Variants in USP4 observed in about 807,000 individuals in gnomAD.
USP4 encodes the protein ubiquitin carboxyl-terminal hydrolase 4.
A neutral mutation model predicts 118.2 loss-of-function variants in USP4; 72 were observed. The ratio of observed to expected loss-of-function variants is 0.61; its 90% CI spans 0.50 to 0.74. The LOEUF is 0.74. Among genes scored for constraint, USP4 ranks in the 30% least tolerant of loss-of-function variants. The pLI is 0.00. For missense variants in USP4, 1,037 were observed against 1,185.7 expected, an observed-to-expected ratio of 0.87 and a Z score of 1.84; for synonymous variants, 415 against 440.4, an observed-to-expected ratio of 0.94 and a Z score of 0.72.
Position 49,303,705 on chromosome 3 carries a change from C to T in USP4, c.1129-1163G>A, listed in dbSNP as rs575498055. Among the ~76,000 whole-genome samples the T allele has an allele frequency of 5.3e-5, 8 of 152,194 alleles. No individual in the cohort carries two copies. The East Asian group carries it at 1.2e-3, about 22-fold the overall frequency. On this transcript the variant is annotated intron_variant, in intron 9 of 21. Transcript: ENST00000265560. Reference sequence around the variant, plus strand: ...CCTAATACCCCTAAACACTACCTTCCAGTTGTTTATTTACATTAGCTTCAG... The same window carrying T: ...CCTAATACCCCTAAACACTACCTTCTAGTTGTTTATTTACATTAGCTTCAG...
chr3:49,297,742 C>T (rs2047224512), intron 13 of USP4, 128 bp downstream of exon 13: 1 of 728,602 alleles, frequency 1.4e-6, no homozygotes, highest in Non-Finnish European at 2.4e-6. Flanking sequence ...ATCTCTTGCA[C>T]CCAGGGGTCA....
chr3:49,290,469 G>A (rs1232667962), intron 15 of USP4, among the ~76,000 whole-genome samples: 4 of 152,176 alleles, frequency 2.6e-5, no homozygotes, highest in African/African-American at 9.6e-5. Context: ...ATGTCTTGGA[G>A]GAATCTGGAC....
chr3:49,289,439 A>C (rs2047130118), intron 15 of USP4, among the ~76,000 whole-genome samples: 1 of 152,240 alleles, frequency 6.6e-6, no homozygotes, highest in African/African-American at 2.4e-5. Flanking sequence ...CTTAGCTTCC[A>C]GAGTACCACA....
chr3:49,326,631 G>A (rs535848173), intron 3 of USP4, among the ~76,000 whole-genome samples: 2 of 151,660 alleles, frequency 1.3e-5, no homozygotes, highest in East Asian at 1.9e-4. Flanking sequence ...TCTTAACCTC[G>A]TGATCCGCCT....
chr3:49,325,648 C>T, intron 4 of USP4, 71 bp downstream of exon 4: 1 of 1,582,664 alleles, frequency 6.3e-7, no homozygotes, highest in Non-Finnish European at 8.6e-7. Flanking sequence ...ATAATGCCCT[C>T]TTCCCTCCCA....
intron 15 of USP4, among the ~76,000 whole-genome samples, chr3:49,289,068 G>C (rs1389563343): frequency 6.6e-6 from 1 of 152,158 alleles, no homozygotes; most frequent in Non-Finnish European, 1.5e-5. Flanking sequence ...CTGAGATTGT[G>C]CCACTGCACT....
intron 11 of USP4, 30 bp from the exon 12 acceptor site, chr3:49,298,665 G>A: frequency 6.2e-7 from 1 of 1,607,410 alleles, no homozygotes. Context: ...AAGGTCACAG[G>A]GGTGCCCCAC....
chr3:49,307,031 G>A (rs1166545257), intron 8 of USP4, among the ~76,000 whole-genome samples: 3 of 151,612 alleles, frequency 2.0e-5, no homozygotes, highest in Non-Finnish European at 2.9e-5. Flanking sequence ...TGATCCGCCT[G>A]CCTCAGCCTC....
At chr3:49,281,491 T>TACACAC (rs71077782) in intron 19 of USP4, among the ~76,000 whole-genome samples, 6,321 of 126,392 alleles carry the variant, frequency 0.05, 167 homozygotes, top group Middle Eastern at 0.059. Context: ...TATATATATA[T>TACACAC]ACACACACAC....
chr3:49,328,743 C>T (rs2107801555), intron 2 of USP4, among the ~76,000 whole-genome samples: 1 of 151,954 alleles, frequency 6.6e-6, no homozygotes, highest in South Asian at 2.1e-4. Flanking sequence ...GCCTGTAGTC[C>T]CAGCTACTCG....
At chr3:49,281,808 T>C (rs1436071088) in intron 19 of USP4, among the ~76,000 whole-genome samples, 1 of 151,044 alleles carries the variant, frequency 6.6e-6, no homozygotes, top group Non-Finnish European at 1.5e-5. Context: ...GTCAGGAGTT[T>C]GAGACCATCC....
chr3:49,324,961 C>T lies in USP4; in HGVS notation c.566G>A (p.Ser189Asn). ...RETRLWNKYM[S>N]NTYEQLSKLD... Reference sequence around the variant, plus strand: ...CTTGCTCAACTGCTCGTAGGTGTTGCTCATGTATTTGTTCCAGAGCCGTGT... The same window carrying T: ...CTTGCTCAACTGCTCGTAGGTGTTGTTCATGTATTTGTTCCAGAGCCGTGT... The change falls in exon 5 of 22, where the codon AGC becomes AAC. Residue 189 changes from serine (S) to asparagine (N), a missense_variant. Physicochemically the swap from Ser to Asn is conservative, Grantham distance 46. This residue lies in a region of USP4 where 487 missense variants were observed against 534.1 expected (regional missense o/e 0.91). Transcript: ENST00000265560. 6.2e-7 allele frequency: 1 copy of T among 1,614,116 alleles called. No homozygotes were observed. Among genetic ancestry groups the T allele is most frequent in the South Asian group, 1.1e-5 (1 of 91,080 alleles).
At chr3:49,331,088 G>A (rs4955431) in intron 2 of USP4, among the ~76,000 whole-genome samples, 85,845 of 151,428 alleles carry the variant, frequency 0.57, 25,393 homozygotes, top group East Asian at 0.95. Flanking sequence ...TGGGGAGGCC[G>A]TGGTGGGCAG....
chr3:49,332,859 C>A lies in USP4; in HGVS notation c.229+2610G>T, dbSNP rs186547822. Among the ~76,000 whole-genome samples the A allele has an allele frequency of 2.6e-3, 399 of 151,932 alleles. 1 individual carries two copies. Among genetic ancestry groups the A allele is most frequent in the Non-Finnish European group, 4.7e-3 (319 of 67,972 alleles). ...AACCTGAACAACATGACAAAACCCA[C>A]AAAAAATCTCTGCAAAAAATACAAT... On this transcript the variant is annotated intron_variant, in intron 2 of 21. Transcript: ENST00000265560.
chr3:49,308,755 C>T (rs1054070372), intron 8 of USP4, among the ~76,000 whole-genome samples: 1 of 150,688 alleles, frequency 6.6e-6, no homozygotes, highest in Non-Finnish European at 1.5e-5. Context: ...TGGCCAGGCA[C>T]GGTGGCTCAT....
Position 49,278,338 on chromosome 3 carries a change from C to A in USP4, c.2847G>T (p.Gln949His). The A allele has an allele frequency of 6.2e-7, 1 of 1,614,146 alleles. No individual in the cohort carries two copies. The highest frequency in any genetic ancestry group is 8.5e-7 in the Non-Finnish European group (1 of 1,180,046). Reference sequence around the variant, plus strand: ...AAGCCTCATCATCCCCAAAGCCCTGCTGAGAGCTGCTTGGTCGTGTCCCTC... The same window carrying A: ...AAGCCTCATCATCCCCAAAGCCCTGATGAGAGCTGCTTGGTCGTGTCCCTC... ...SDGGTRPSSS[Q>H]QGFGDDEACS... The change falls in exon 22 of 22, where the codon CAG becomes CAT. Residue 949 changes from glutamine to histidine, a missense_variant. Physicochemically the swap from Gln to His is conservative, Grantham distance 24. This residue lies in a region of USP4 where 522 missense variants were observed against 592.6 expected (regional missense o/e 0.88). Transcript: ENST00000265560.
intron 14 of USP4, 28 bp from the exon 15 acceptor site, chr3:49,292,626 A>G (rs756604672): frequency 3.4e-6 from 5 of 1,477,274 alleles, no homozygotes; most frequent in South Asian, 2.5e-5. Flanking sequence ...GAGAAGAAAA[A>G]AAAGATTGTT....
intron 9 of USP4, among the ~76,000 whole-genome samples, chr3:49,304,488 G>A (rs148742320): frequency 0.019 from 2,875 of 152,158 alleles, 37 homozygotes; most frequent in Middle Eastern, 0.037. Context: ...CCAAGAATGT[G>A]AGCCCAATTC....
intron 10 of USP4, among the ~76,000 whole-genome samples, chr3:49,301,813 G>A (rs1437819219): frequency 6.6e-6 from 1 of 152,120 alleles, no homozygotes; most frequent in Non-Finnish European, 1.5e-5. Flanking sequence ...ATCCCAATGT[G>A]ATAGGGTAGC....
Sources: allele counts gnomAD v4.1 joint callset (sites outside exome capture counted in the v4.1 genomes callset), GRCh38; gene constraint gnomAD v4.1.1; regional missense constraint gnomAD v4.1.1; transcripts MANE v1.5; gene names NCBI Gene and HGNC (gene_info 2026-07-23, HGNC 2026-07-21).